The following TINCR variants were observed in gnomAD, a reference collection of about 807,000 sequenced individuals.
TINCR encodes TINCR ubiquitin domain containing, also known as TINCR-encoded ubiquitin-like protein.
downstream of TINCR, chr19:5,559,067 C>G (rs542196696): frequency 6.6e-6 from 1 of 152,246 alleles, no homozygotes; most frequent in Non-Finnish European, 1.5e-5. Context: ...AACATGCCAG[C>G]GCTGTCGAGG....
intron 1 of TINCR, among the ~76,000 whole-genome samples, chr19:5,566,588 CAG>C (rs1047621943): frequency 6.7e-5 from 10 of 150,008 alleles, no homozygotes; most frequent in East Asian, 4.0e-4. Context: ...GACAGAGACA[CAG>C]AGAGACAGAG....
rs1368965433 is a variant in TINCR at position 5,562,771 on chromosome 19, C to CAT, written c.*75_*76insAT. 1.3e-5 allele frequency: 2 copies of CAT among 152,352 alleles called. No individual in the cohort carries two copies. The highest frequency in any genetic ancestry group is 2.9e-5 in the Non-Finnish European group (2 of 68,148). 9.4% of individuals were successfully genotyped at this position (152,352 alleles called of 1,614,324 possible). ...GACTCAAGCGATTCTCTTGCCTCAG[C>CAT]CTCCCCAGTAGCTGGGATTACAGGC... On this transcript the variant is annotated 3_prime_UTR_variant, in exon 2 of 2. Transcript: ENST00000646160. This position sits in a 1 kb window ranked among gnomAD's most constrained non-coding sequence, Gnocchi z 4.4.
downstream of TINCR, chr19:5,559,334 CTTTT>C (rs139980198): frequency 1.6e-4 from 21 of 131,810 alleles, no homozygotes; most frequent in Non-Finnish European, 1.6e-4. Context: ...GGCTGTCAAT[CTTTT>C]TTTTTTTTTT....
downstream of TINCR, chr19:5,558,801 T>A (rs1444180875): frequency 6.6e-6 from 1 of 152,244 alleles, no homozygotes; most frequent in African/African-American, 2.4e-5. Context: ...TGCCTCAGTT[T>A]CCCAACCTGG....
Position 5,567,332 on chromosome 19 carries a change from GGAGA to G in TINCR, c.260+329_260+332del, listed in dbSNP as rs373710542. Among the ~76,000 whole-genome samples the G allele has an allele frequency of 2.6e-3, 390 of 151,020 alleles. 2 individuals are homozygous for G. The highest frequency in any genetic ancestry group is 9.0e-3 in the African/African-American group (370 of 41,178). ...CAGAGACAAGAGACAGAAAGAAGAG[GGAGA>G]GAGATGAGAGACAGAGACAAAAGAA... is the stretch of plus-strand genomic sequence containing the variant. On this transcript the variant is annotated intron_variant, in intron 1 of 1. Transcript: ENST00000646160.
chr19:5,563,395 G>A lies in TINCR; in HGVS notation c.261-446C>T, dbSNP rs1045590864. Among the ~76,000 whole-genome samples the A allele has an allele frequency of 3.3e-5, 5 of 152,158 alleles. No individual in the cohort carries two copies. Among genetic ancestry groups the A allele is most frequent in the South Asian group, 2.1e-4 (1 of 4,824 alleles). Reference sequence around the variant, plus strand: ...AGGATTATGGTTAGACTTTGAAGGCGGAGCTGATGGAACCAGCTGAAGGAC... The same window carrying A: ...AGGATTATGGTTAGACTTTGAAGGCAGAGCTGATGGAACCAGCTGAAGGAC... On this transcript the variant is annotated intron_variant, in intron 1 of 1. Transcript: ENST00000646160. The surrounding 1 kb of genome is among the most constrained non-coding windows in gnomAD (Gnocchi z 4.7).
downstream of TINCR, chr19:5,561,160 T>C (rs951452631): frequency 2.0e-5 from 3 of 153,806 alleles, no homozygotes; most frequent in African/African-American, 7.2e-5. Context: ...CCATGGGAGC[T>C]TTCCAAGGTG....
At position 5,565,851 on chromosome 19, in the gene TINCR, C is replaced by T. The variant is rs2052125743; in HGVS notation, c.260+1814G>A. On this transcript the variant is annotated intron_variant, in intron 1 of 1. Coordinates refer to ENST00000646160, the Ensembl canonical transcript of TINCR. The surrounding 1 kb of genome is among the most constrained non-coding windows in gnomAD (Gnocchi z 4.0). ...AAAATCCAGGGTAATTCACATGGCCCCCGTCCCTCTCCTGTTCAATGCTTC... is the reference window on the plus strand; with the variant it reads ...AAAATCCAGGGTAATTCACATGGCCTCCGTCCCTCTCCTGTTCAATGCTTC... 6.6e-6 allele frequency among the ~76,000 whole-genome samples: 1 copy of T among 152,172 alleles called. No homozygotes were observed. Among genetic ancestry groups the T allele is most frequent in the Non-Finnish European group, 1.5e-5 (1 of 68,026 alleles).
chr19:5,567,754 G>C lies in TINCR; in HGVS notation c.171C>G (p.Tyr57Ter), dbSNP rs2052139340. The change falls in exon 1 of 2, where the codon TAC (tyrosine) becomes TAG (stop). Residue 57 changes from tyrosine to a stop codon, truncating the protein, a stop_gained. Coordinates refer to ENST00000646160, the Ensembl canonical transcript of TINCR. LOFTEE classifies it high-confidence loss of function. ...GGTCGTCCAGCCGCCGCGCGTTGTA[G>C]TAGAAGGCGCGCTTCCAGGAGCTCA... is the stretch of plus-strand genomic sequence containing the variant. 2 of 392,608 alleles carry C rather than the reference G, an allele frequency of 5.1e-6. No individual in the cohort carries two copies. Among genetic ancestry groups the C allele is most frequent in the Admixed American group, 8.9e-5 (2 of 22,468 alleles). 24.3% of individuals were successfully genotyped at this position (392,608 alleles called of 1,614,324 possible). A position where few individuals can be genotyped will look rare whatever the true frequency, so the allele number is the denominator to read the frequency against.
chr19:5,564,675 T>C (rs2052119214), intron 1 of TINCR, among the ~76,000 whole-genome samples: 1 of 152,214 alleles, frequency 6.6e-6, no homozygotes, highest in African/African-American at 2.4e-5. Flanking sequence ...GCCTCCAGGT[T>C]CAAGCGATTC....
intron 1 of TINCR, among the ~76,000 whole-genome samples, chr19:5,564,470 G>A (rs1411894769): frequency 2.0e-5 from 3 of 151,962 alleles, no homozygotes; most frequent in African/African-American, 7.2e-5. Flanking sequence ...GTCTGTTGGG[G>A]AAGACAAAGC....
At position 5,565,073 on chromosome 19, in the gene TINCR, A is replaced by C. The variant is rs28607963; in HGVS notation, c.261-2124T>G. Among the ~76,000 whole-genome samples the C allele has an allele frequency of 0.18, 26,594 of 151,704 alleles. 2,450 individuals carry two copies. Among genetic ancestry groups the C allele is most frequent in the Middle Eastern group, 0.26 (75 of 294 alleles). On this transcript the variant is annotated intron_variant, in intron 1 of 1. Transcript: ENST00000646160. The surrounding 1 kb of genome is among the most constrained non-coding windows in gnomAD (Gnocchi z 4.0). ...CCTCTATGGCTCCCACCTCCCTCGG[A>C]GTCAAGGCCCAAGTCCTCCCTGCAG... is the stretch of plus-strand genomic sequence containing the variant.
chr19:5,566,650 G>A (rs748479512), intron 1 of TINCR, among the ~76,000 whole-genome samples: 9 of 150,812 alleles, frequency 6.0e-5, no homozygotes, highest in Non-Finnish European at 1.0e-4. Context: ...AGAGAGACAG[G>A]GAGAGAGAGA....
chr19:5,567,534 C>G (rs1433261270), intron 1 of TINCR, 131 bp downstream of exon 1: 3 of 367,040 alleles, frequency 8.2e-6, no homozygotes, highest in African/African-American at 6.3e-5. Context: ...GGAGAGAGGC[C>G]GGGCGGGCAG....
chr19:5,562,031 C>G (rs1391036311), downstream of TINCR: 1 of 152,718 alleles, frequency 6.5e-6, no homozygotes, highest in Admixed American at 6.5e-5. This position sits in a 1 kb window ranked among gnomAD's most constrained non-coding sequence, Gnocchi z 4.4. Context: ...CATCTATGGT[C>G]TCCACAATCT....
chr19:5,567,640 A>ACCCCC, intron 1 of TINCR, 25 bp downstream of exon 1: 1 of 93,292 alleles, frequency 1.1e-5, no homozygotes, highest in Non-Finnish European at 1.9e-5. Context: ...CCCCCGCCCC[A>ACCCCC]CCCCACCCCG....
downstream of TINCR, chr19:5,558,263 T>C (rs74411837): frequency 8.5e-5 from 13 of 152,336 alleles, no homozygotes; most frequent in East Asian, 5.8e-4. Flanking sequence ...CCAAAGGTAG[T>C]GATGACTCTG....
At chr19:5,559,564 T>TG (rs2052089954), downstream of TINCR, 2 of 152,220 alleles carry the variant, frequency 1.3e-5, no homozygotes, top group Non-Finnish European at 2.9e-5. Context: ...CTCCATCTCC[T>TG]GACCTCATGA....
chr19:5,559,998 CAA>C (rs1180854649), downstream of TINCR: 1 of 152,212 alleles, frequency 6.6e-6, no homozygotes, highest in Non-Finnish European at 1.5e-5. Context: ...TCTCTGGGGA[CAA>C]AGTCCTGGGT....
Sources: allele counts gnomAD v4.1 joint callset (sites outside exome capture counted in the v4.1 genomes callset), GRCh38; gene constraint gnomAD v4.1.1; non-coding constraint Gnocchi (gnomAD v3.1); transcripts MANE v1.5; gene names NCBI Gene and HGNC (gene_info 2026-07-23, HGNC 2026-07-21).